SH3GLB1: variants seen among roughly 807,000 people sequenced by gnomAD.
SH3GLB1 encodes the protein SH3 domain containing GRB2 like, endophilin B1.
A neutral mutation model predicts 42.0 loss-of-function variants in SH3GLB1; 17 were observed. The observed-to-expected ratio is 0.40, with a 90% CI of 0.28 to 0.61. The LOEUF is 0.61. SH3GLB1 is among the 20% of genes least tolerant of loss of function. The pLI is 0.36. For synonymous variants in SH3GLB1, 132 were observed against 146.6 expected (o/e 0.90, Z 0.72); for missense variants, 355 against 426.3 (o/e 0.83, Z 1.47).
intron 2 of SH3GLB1, among the ~76,000 whole-genome samples, chr1:86,717,950 G>C (rs964821211): frequency 3.9e-5 from 6 of 151,928 alleles, no homozygotes. Context: ...TTTATTAACT[G>C]AACGAAGTCA....
At chr1:86,706,673 A>G (rs1653883779) in intron 1 of SH3GLB1, among the ~76,000 whole-genome samples, 1 of 152,208 alleles carries the variant, frequency 6.6e-6, no homozygotes, top group Non-Finnish European at 1.5e-5. Context: ...TGTTTGTCCT[A>G]GTGCTCATTA....
intron 5 of SH3GLB1, 66 bp from the exon 6 acceptor site, chr1:86,734,536 A>G: frequency 8.7e-7 from 1 of 1,153,886 alleles, no homozygotes; most frequent in East Asian, 2.5e-5. Flanking sequence ...TTAACCATCT[A>G]AAATAAATGT....
At position 86,714,726 on chromosome 1, in the gene SH3GLB1, A is replaced by G. The variant is rs146517771; in HGVS notation, c.73-998A>G. Among the ~76,000 whole-genome samples, 440 of 152,302 alleles carry G rather than the reference A, an allele frequency of 2.9e-3. 2 individuals carry two copies. Among genetic ancestry groups the G allele is most frequent in the African/African-American group, 0.01 (425 of 41,570 alleles). ...AACACTGTTTTGTCAGCCAGAAGTG[A>G]GTCATTACTGAGCACAGAATTAATG... On this transcript the variant is annotated intron_variant, in intron 1 of 8. Coordinates refer to ENST00000370558, the MANE Select transcript of SH3GLB1 (RefSeq NM_016009.5).
In SH3GLB1 at chr1:86,742,217, C is replaced by T. The variant is rs199568763; in HGVS notation, c.771C>T (p.Ser257=). The T allele has an allele frequency of 3.1e-6, 5 of 1,613,304 alleles. No homozygotes were observed. In the African/African-American group the frequency reaches 5.3e-5, roughly 17 times the overall value. The change falls in exon 8 of 9, where the codon TCC becomes TCT. Residue 257 remains serine (S), a synonymous_variant. Coordinates refer to ENST00000370558, the MANE Select transcript of SH3GLB1 (RefSeq NM_016009.5). The part of the protein sequence containing the change: ...DLQKQLGSFP[S]NYLSNNNQTS... ...GCTTTCTTTTCAACAGTTTTCCATC[C>T]AATTATCTTAGTAACAACAATCAGA...
At position 86,743,578 on chromosome 1, in the gene SH3GLB1, T is replaced by C. The variant is rs1451806327; in HGVS notation, c.*343T>C. ...TTTCTTTTATGTAAAATAAATCTATTGTGAATTGATATCAGCGACTCATTT... is the reference window on the plus strand; with the variant it reads ...TTTCTTTTATGTAAAATAAATCTATCGTGAATTGATATCAGCGACTCATTT... On this transcript the variant is annotated 3_prime_UTR_variant, in exon 9 of 9. Coordinates refer to ENST00000370558, the MANE Select transcript of SH3GLB1 (RefSeq NM_016009.5). 1 of 160,064 alleles carries C rather than the reference T, an allele frequency of 6.2e-6. No homozygotes were observed. The highest frequency in any genetic ancestry group is 2.4e-5 in the African/African-American group (1 of 41,758). The allele number at this position is 160,064 out of a possible 1,614,324, so 9.9% of individuals were successfully genotyped here. A position where few individuals can be genotyped will look rare whatever the true frequency, so the allele number is the denominator to read the frequency against.
intron 7 of SH3GLB1, among the ~76,000 whole-genome samples, chr1:86,738,925 T>A (rs1655921205): frequency 2.0e-5 from 3 of 152,214 alleles, no homozygotes; most frequent in Admixed American, 2.0e-4. Context: ...ATTATAGGCG[T>A]GAGCCACCAC....
intron 2 of SH3GLB1, among the ~76,000 whole-genome samples, chr1:86,716,201 AG>A (rs1462683830): frequency 2.0e-5 from 3 of 152,146 alleles, no homozygotes; most frequent in African/African-American, 7.2e-5. Context: ...ATTAAGACAA[AG>A]TTATATAGTT....
intron 3 of SH3GLB1, 46 bp from the exon 4 acceptor site, chr1:86,722,494 C>T: frequency 4.0e-6 from 6 of 1,506,424 alleles, no homozygotes; most frequent in Non-Finnish European, 5.3e-6. Context: ...ATTTTATTTT[C>T]TGGTATTACC....
At chr1:86,708,903 T>C (rs1415844297) in intron 1 of SH3GLB1, among the ~76,000 whole-genome samples, 2 of 152,236 alleles carry the variant, frequency 1.3e-5, no homozygotes, top group Non-Finnish European at 2.9e-5. Context: ...TTTGTTCATA[T>C]GGTTAGACTC....
intron 3 of SH3GLB1, among the ~76,000 whole-genome samples, chr1:86,722,010 C>CTTTT (rs377380040): frequency 0.03 from 3,316 of 111,526 alleles, 94 homozygotes; most frequent in South Asian, 0.054. Context: ...AGGCAACCAT[C>CTTTT]TTTTTTTTTT....
chr1:86,723,078 TA>T (rs1435817624), intron 4 of SH3GLB1, among the ~76,000 whole-genome samples: 1 of 152,238 alleles, frequency 6.6e-6, no homozygotes, highest in Non-Finnish European at 1.5e-5. Context: ...GCTGCTCTTA[TA>T]AATACTTCAA....
chr1:86,734,138 A>C (rs1245195066), intron 5 of SH3GLB1: 1 of 152,304 alleles, frequency 6.6e-6, no homozygotes, highest in Non-Finnish European at 1.5e-5. Flanking sequence ...CTATGGCTTC[A>C]CTCTAAAGTC....
At chr1:86,731,385 A>G (rs538503790) in intron 5 of SH3GLB1, among the ~76,000 whole-genome samples, 1 of 152,222 alleles carries the variant, frequency 6.6e-6, no homozygotes, top group South Asian at 2.1e-4. Flanking sequence ...CATAGGTTAT[A>G]GAGCTGTTGA....
intron 3 of SH3GLB1, among the ~76,000 whole-genome samples, chr1:86,721,377 GTC>G (rs748993359): frequency 2.6e-5 from 4 of 152,132 alleles, no homozygotes; most frequent in Non-Finnish European, 4.4e-5. Flanking sequence ...TTAATCCACA[GTC>G]ACAGCTAGTA....
chr1:86,715,370 C>T (rs558081639), intron 1 of SH3GLB1, among the ~76,000 whole-genome samples: 11 of 152,282 alleles, frequency 7.2e-5, no homozygotes, highest in African/African-American at 2.2e-4. Context: ...ATTCAACTGA[C>T]TCAAAGCTCT....
At chr1:86,741,980 A>G (rs1388704704) in intron 7 of SH3GLB1, among the ~76,000 whole-genome samples, 2 of 152,212 alleles carry the variant, frequency 1.3e-5, no homozygotes, top group African/African-American at 2.4e-5. Context: ...GACAGTTTTG[A>G]AACAGACTTT....
At chr1:86,738,064 A>G (rs1292788170) in intron 7 of SH3GLB1, among the ~76,000 whole-genome samples, 1 of 152,130 alleles carries the variant, frequency 6.6e-6, no homozygotes, top group African/African-American at 2.4e-5. Context: ...CTTTAACAGA[A>G]TCATTCTGGC....
chr1:86,707,204 C>T lies in SH3GLB1; in HGVS notation c.72+2233C>T, dbSNP rs117377169. On this transcript the variant is annotated intron_variant, in intron 1 of 8. Coordinates refer to ENST00000370558, the MANE Select transcript of SH3GLB1 (RefSeq NM_016009.5). ...TATTAGTATTTTCTAACATTAGTAT[C>T]GTGTATAGATAGGATGGTCAGGGCA... 7.2e-4 allele frequency among the ~76,000 whole-genome samples: 109 copies of T among 152,190 alleles called. No individual in the cohort carries two copies. The East Asian group carries it at 0.011, about 16-fold the overall frequency.
In SH3GLB1 at chr1:86,705,295, G is replaced by A. The variant is rs79964454; in HGVS notation, c.72+324G>A. Among the ~76,000 whole-genome samples, 654 of 152,298 alleles carry A rather than the reference G, an allele frequency of 4.3e-3. 4 individuals carry two copies. Among genetic ancestry groups the A allele is most frequent in the African/African-American group, 0.015 (628 of 41,570 alleles). On this transcript the variant is annotated intron_variant, in intron 1 of 8. Transcript: ENST00000370558. ...TCAGTGCTCCTGTGGCCTCCACCCC[G>A]GGGCTGGCGGAGGCTTGCGAGTCCT...
Sources: gnomAD v4.1 joint callset for allele counts (sites outside exome capture counted in the v4.1 genomes callset) on GRCh38, gnomAD v4.1.1 for gene constraint, MANE v1.5 for transcripts, NCBI Gene and HGNC (gene_info 2026-07-23, HGNC 2026-07-21) for gene names.